Variants in TRPC4 observed in about 807,000 individuals in gnomAD.
TRPC4 encodes the protein short transient receptor potential channel 4.
A neutral mutation model predicts 99.4 loss-of-function variants in TRPC4; 49 were observed. The ratio of observed to expected loss-of-function variants is 0.49; its 90% CI spans 0.39 to 0.63. The LOEUF is 0.63. Among genes scored for constraint, TRPC4 ranks in the 20% least tolerant of loss-of-function variants. The pLI, the probability that TRPC4 is intolerant of heterozygous loss-of-function variation, is 0.00. For missense variants in TRPC4, 898 were observed against 1,152.9 expected (o/e 0.78, Z 3.20); for synonymous variants, 454 against 425.9 (o/e 1.07, Z -0.81).
intron 3 of TRPC4, among the ~76,000 whole-genome samples, chr13:37,720,874 G>A (rs969237963): frequency 1.3e-5 from 2 of 152,064 alleles, no homozygotes; most frequent in Non-Finnish European, 2.9e-5. Context: ...CTTAACAATT[G>A]GTGCAGTCTA....
At chr13:37,860,541 G>A (rs1467187419) in intron 1 of TRPC4, among the ~76,000 whole-genome samples, 1 of 151,454 alleles carries the variant, frequency 6.6e-6, no homozygotes, top group South Asian at 2.1e-4. Flanking sequence ...AGGAAGAAAT[G>A]TCTATGTCCA....
intron 1 of TRPC4, among the ~76,000 whole-genome samples, chr13:37,841,334 T>A (rs1352005770): frequency 1.3e-5 from 2 of 152,060 alleles, no homozygotes; most frequent in African/African-American, 4.8e-5. Context: ...CCTGCAAAAA[T>A]TTGGGTAAAT....
At chr13:37,665,788 T>C (rs1241472528) in intron 5 of TRPC4, among the ~76,000 whole-genome samples, 2 of 150,206 alleles carry the variant, frequency 1.3e-5, no homozygotes, top group African/African-American at 4.9e-5. Flanking sequence ...TCAAGTTCTA[T>C]TATGGACCTA....
At chr13:37,659,930 C>T (rs9566248) in intron 6 of TRPC4, among the ~76,000 whole-genome samples, 56,660 of 151,740 alleles carry the variant, frequency 0.37, 11,030 homozygotes, top group African/African-American at 0.44. Context: ...TGATAAATTC[C>T]CTTTGATTGA....
intron 1 of TRPC4, among the ~76,000 whole-genome samples, chr13:37,788,064 A>G (rs924881303): frequency 1.3e-5 from 2 of 152,214 alleles, no homozygotes; most frequent in South Asian, 2.1e-4. Flanking sequence ...TGTAATAGTC[A>G]AAGTTTGAAA....
chr13:37,824,484 G>A (rs564983953), intron 1 of TRPC4, among the ~76,000 whole-genome samples: 1 of 151,830 alleles, frequency 6.6e-6, no homozygotes, highest in Non-Finnish European at 1.5e-5. Context: ...TAGCATGAAG[G>A]GTTGTTGAAT....
At chr13:37,768,252 TTG>T (rs1465059195) in intron 2 of TRPC4, among the ~76,000 whole-genome samples, 1 of 151,484 alleles carries the variant, frequency 6.6e-6, no homozygotes, top group Admixed American at 6.6e-5. Flanking sequence ...CCAAAATAAA[TTG>T]TCTTAAAAAT....
At chr13:37,672,899 C>A (rs972070523) in intron 5 of TRPC4, among the ~76,000 whole-genome samples, 1 of 152,152 alleles carries the variant, frequency 6.6e-6, no homozygotes, top group Non-Finnish European at 1.5e-5. Context: ...TTTCGGTGAG[C>A]ACTGGTAGCA....
At chr13:37,666,180 CT>C (rs1221739076) in intron 5 of TRPC4, among the ~76,000 whole-genome samples, 3 of 152,164 alleles carry the variant, frequency 2.0e-5, no homozygotes, top group African/African-American at 7.2e-5. Flanking sequence ...AATTTATTTA[CT>C]TTAGAAAGTT....
intron 3 of TRPC4, among the ~76,000 whole-genome samples, chr13:37,697,400 A>C (rs147675385): frequency 6.6e-6 from 1 of 152,338 alleles, no homozygotes; most frequent in East Asian, 1.9e-4. Context: ...GGAATTTGTT[A>C]GTTAAGCCTG....
chr13:37,772,955 G>T (rs966442231), intron 2 of TRPC4, among the ~76,000 whole-genome samples: 3 of 151,696 alleles, frequency 2.0e-5, no homozygotes, highest in African/African-American at 7.3e-5. Flanking sequence ...TTCTCAATGT[G>T]CCAGCAGTGT....
At chr13:37,696,871 G>A (rs1487129033) in intron 3 of TRPC4, among the ~76,000 whole-genome samples, 1 of 151,658 alleles carries the variant, frequency 6.6e-6, no homozygotes, top group Non-Finnish European at 1.5e-5. Flanking sequence ...ATTATTTACA[G>A]GCAGAAGAAC....
intron 1 of TRPC4, among the ~76,000 whole-genome samples, chr13:37,794,815 T>A (rs534691132): frequency 6.6e-6 from 1 of 152,298 alleles, no homozygotes; most frequent in South Asian, 2.1e-4. Context: ...CTCTTCCTCA[T>A]AGACTGGGTG....
At chr13:37,794,620 T>C (rs1957202026) in intron 1 of TRPC4, among the ~76,000 whole-genome samples, 1 of 152,182 alleles carries the variant, frequency 6.6e-6, no homozygotes, top group African/African-American at 2.4e-5. Context: ...ACTGTGATTC[T>C]ATTCGTCTCT....
At chr13:37,686,328 A>G (rs1363194562) in intron 4 of TRPC4, among the ~76,000 whole-genome samples, 1 of 152,082 alleles carries the variant, frequency 6.6e-6, no homozygotes, top group African/African-American at 2.4e-5. Context: ...ATACATACAT[A>G]TATATGTATG....
intron 1 of TRPC4, among the ~76,000 whole-genome samples, chr13:37,859,816 AT>A (rs1959215912): frequency 6.6e-6 from 1 of 151,434 alleles, no homozygotes; most frequent in Non-Finnish European, 1.5e-5. Flanking sequence ...ATCTGTGATT[AT>A]AAAAATTAAA....
Position 37,713,140 on chromosome 13 carries a change from C to T in TRPC4, c.898-20805G>A, listed in dbSNP as rs956428960. ...TGAATTTCCAGGGACACAAAACTAG[C>T]AGCAGAAGCAGAGTTAGCTCCTTAT... On this transcript the variant is annotated intron_variant, in intron 3 of 10. Coordinates refer to ENST00000379705, the MANE Select transcript of TRPC4 (RefSeq NM_016179.4). Among the ~76,000 whole-genome samples, 6 of 152,112 alleles carry T rather than the reference C, an allele frequency of 3.9e-5. No individual in the cohort carries two copies. In the East Asian group the frequency reaches 7.7e-4, roughly 20 times the overall value.
chr13:37,743,107 C>A (rs1373434113), intron 3 of TRPC4, among the ~76,000 whole-genome samples: 1 of 152,050 alleles, frequency 6.6e-6, no homozygotes, highest in African/African-American at 2.4e-5. Flanking sequence ...AATACAATGT[C>A]TTTTAAAATT....
intron 2 of TRPC4, among the ~76,000 whole-genome samples, chr13:37,748,791 T>C (rs1390402354): frequency 6.6e-6 from 1 of 151,878 alleles, no homozygotes; most frequent in East Asian, 1.9e-4. Context: ...TTTCAAAAAA[T>C]AACAGTGTAA....
Sources: allele counts gnomAD v4.1 joint callset (sites outside exome capture counted in the v4.1 genomes callset), GRCh38; gene constraint gnomAD v4.1.1; transcripts MANE v1.5; gene names NCBI Gene and HGNC (gene_info 2026-07-23, HGNC 2026-07-21).